Variants in PHKG2 observed in about 807,000 individuals in gnomAD.
PHKG2 encodes the protein phosphorylase kinase catalytic subunit gamma 2, also known as phosphorylase b kinase gamma catalytic chain, liver/testis isoform.
A neutral mutation model predicts 44.5 loss-of-function variants in PHKG2; 28 were observed. The observed-to-expected ratio is 0.63, with a 90% CI of 0.47 to 0.86. PHKG2 has a LOEUF of 0.86. PHKG2 is among the 40% of genes least tolerant of loss of function. The pLI is 0.00. For synonymous variants in PHKG2, 220 were observed against 211.2 expected (o/e 1.04, Z -0.36); for missense variants, 498 against 547.5 (o/e 0.91, Z 0.90).
chr16:30,748,514 C>A, intron 1 of PHKG2, 24 bp downstream of exon 1: 1 of 486,702 alleles, frequency 2.1e-6, no homozygotes. Flanking sequence ...AGACCCCCGT[C>A]CCCTTCCTGC....
intron 4 of PHKG2, 93 bp downstream of exon 4, chr16:30,751,696 T>TGA: frequency 9.6e-7 from 1 of 1,038,598 alleles, no homozygotes; most frequent in South Asian, 1.3e-5. Flanking sequence ...CCCATCCTGC[T>TGA]CACACCTTCC....
In PHKG2 at chr16:30,751,149, G is replaced by A. The variant is rs373915359; in HGVS notation, c.139G>A (p.Gly47Ser). 2.6e-5 allele frequency: 42 copies of A among 1,613,874 alleles called. No individual in the cohort carries two copies. Residue 47 changes from glycine (G) to serine (S), a missense_variant, in exon 3 of 10, where the codon GGC (glycine) becomes AGC (serine). Transcript: ENST00000563588. ...VVRRCVHRAT[G>S]HEFAVKIMEV... The stretch of plus-strand genomic sequence containing the variant: ...CCGCCGTTGTGTTCATCGAGCTACT[G>A]GCCACGAGTTTGCGGTGAAGATTAT...
At chr16:30,749,076 G>GTGGTGC in intron 2 of PHKG2, among the ~76,000 whole-genome samples, 161 bp downstream of exon 2, 1 of 28,562 alleles carries the variant, frequency 3.5e-5, no homozygotes, top group Admixed American at 3.5e-4. Context: ...GGTGGTGGTG[G>GTGGTGC]TGGTGGTGGT....
At position 30,752,494 on chromosome 16, in the gene PHKG2, G is replaced by C. The variant is rs1055754436; in HGVS notation, c.327-738G>C. The C allele has an allele frequency of 7.2e-5, 11 of 152,994 alleles. 1 individual carries two copies. The highest frequency in any genetic ancestry group is 5.9e-4 in the Admixed American group (9 of 15,374). 9.5% of individuals were successfully genotyped at this position (152,994 alleles called of 1,614,324 possible). On this transcript the variant is annotated intron_variant, in intron 4 of 9. Transcript: ENST00000563588. ...TAACACGCTAACTATTCTGGTGTCT[G>C]TCTCTGCCCATCAGTTCTTTTTCTG...
rs1316997024 is a variant in PHKG2 at position 30,751,088 on chromosome 16, A to G, written c.96-18A>G. 4 of 1,612,358 alleles carry G rather than the reference A, an allele frequency of 2.5e-6. No homozygotes were observed. The highest frequency in any genetic ancestry group is 3.4e-6 in the Non-Finnish European group (4 of 1,179,866). On this transcript the variant is annotated intron_variant, in intron 2 of 9. Transcript: ENST00000563588. ...GAGCACAGAGGCCCTGACTTGTGCT[A>G]TTTTCCGGCTCTTGCAGAGGAGTGA...
chr16:30,755,513 A>G (rs949380297), intron 6 of PHKG2, among the ~76,000 whole-genome samples: 3 of 150,702 alleles, frequency 2.0e-5, no homozygotes, highest in Admixed American at 1.3e-4. Flanking sequence ...TGTCTCTACT[A>G]AAGATTCAAA....
rs1369046409 is a variant in PHKG2, at chr16:30,757,167, C to A, written c.*70C>A. On this transcript the variant is annotated 3_prime_UTR_variant, in exon 10 of 10. Coordinates refer to ENST00000563588, the MANE Select transcript of PHKG2 (RefSeq NM_000294.3). ...AAGGGTTTTGATCATTCCAGCTCCT[C>A]TGGGCTCTGGCCTCTGGCCTCAGGC... 3 of 1,461,734 alleles carry A rather than the reference C, an allele frequency of 2.1e-6. No individual in the cohort carries two copies. The highest frequency in any genetic ancestry group is 2.7e-6 in the Non-Finnish European group (3 of 1,111,506). 90.5% of individuals were successfully genotyped at this position (1,461,734 alleles called of 1,614,324 possible). A position where few individuals can be genotyped will look rare whatever the true frequency, so the allele number is the denominator to read the frequency against.
rs954144508 is a variant in PHKG2, at chr16:30,753,822, C to T, written c.556+265C>T. On this transcript the variant is annotated intron_variant, in intron 6 of 9. Coordinates refer to ENST00000563588, the MANE Select transcript of PHKG2 (RefSeq NM_000294.3). The stretch of plus-strand genomic sequence containing the variant: ...GGCCAGGGGAACCCGGAGGAAGGAA[C>T]GCCAATTCAGCCTGAGCCCCATAGA... 7.2e-5 allele frequency among the ~76,000 whole-genome samples: 11 copies of T among 152,114 alleles called. No individual in the cohort carries two copies. The East Asian group carries it at 7.7e-4, about 11-fold the overall frequency.
In PHKG2 at chr16:30,757,477, C is replaced by T. The variant is rs1201321629; in HGVS notation, c.*380C>T. ...CTTTATTGGGGAAAATGTTGGGGGT[C>T]ACTTGGTCTTGCTCTTGCCTTTACC... On this transcript the variant is annotated 3_prime_UTR_variant, in exon 10 of 10. Coordinates refer to ENST00000563588, the MANE Select transcript of PHKG2 (RefSeq NM_000294.3). 6.2e-7 allele frequency: 1 copy of T among 1,612,338 alleles called. No homozygotes were observed. The highest frequency in any genetic ancestry group is 8.5e-7 in the Non-Finnish European group (1 of 1,178,962).
chr16:30,759,338 C>G lies in PHKG2; in HGVS notation c.*2241C>G. ...GTGGCTCCTCATGGTCCACCACCCC[C>G]TACCTGGGGTGTGAAGACGTATTTA... On this transcript the variant is annotated 3_prime_UTR_variant, in exon 10 of 10. Coordinates refer to ENST00000563588, the MANE Select transcript of PHKG2 (RefSeq NM_000294.3). 1 of 1,613,488 alleles carries G rather than the reference C, an allele frequency of 6.2e-7. No homozygotes were observed. Among genetic ancestry groups the G allele is most frequent in the Non-Finnish European group, 8.5e-7 (1 of 1,179,450 alleles).
chr16:30,756,329 C>T (rs373083274), intron 7 of PHKG2, 38 bp from the exon 8 acceptor site: 45 of 1,613,988 alleles, frequency 2.8e-5, no homozygotes, highest in African/African-American at 5.3e-5. Flanking sequence ...TGGGTCTGCC[C>T]GTCACCTAGT....
chr16:30,751,332 T>G, intron 3 of PHKG2, 51 bp downstream of exon 3: 1 of 1,584,822 alleles, frequency 6.3e-7, no homozygotes, highest in Non-Finnish European at 8.6e-7. Flanking sequence ...CACCTCCTGC[T>G]GGCCCTGCCC....
intron 2 of PHKG2, among the ~76,000 whole-genome samples, chr16:30,750,090 C>T (rs2053324856): frequency 1.3e-5 from 2 of 152,028 alleles, no homozygotes; most frequent in Admixed American, 6.6e-5. Context: ...CTCAGATGCC[C>T]TTAGTGGTTG....
chr16:30,749,791 G>T (rs892224061), intron 2 of PHKG2, among the ~76,000 whole-genome samples: 1 of 152,196 alleles, frequency 6.6e-6, no homozygotes, highest in Non-Finnish European at 1.5e-5. Flanking sequence ...CAGAAAAGAT[G>T]CGTATGCCCT....
chr16:30,750,510 A>G (rs2151306602), intron 2 of PHKG2, among the ~76,000 whole-genome samples: 1 of 152,344 alleles, frequency 6.6e-6, no homozygotes, highest in East Asian at 1.9e-4. Flanking sequence ...ATCCTTGTCT[A>G]GGACTTTGTG....
At position 30,751,560 on chromosome 16, in the gene PHKG2, G is replaced by A. The variant is rs1182139735; in HGVS notation, c.283G>A (p.Asp95Asn). ...TCCTCTCTCCCTAGTCACCCTCATC[G>A]ATTCCTACGAGTCTTCTAGCTTCAT... The part of the protein sequence containing the change: ...AGHPHIITLI[D>N]SYESSSFMFL... The change falls in exon 4 of 10, where the codon GAT becomes AAT. Residue 95 changes from aspartate to asparagine, a missense_variant. By Grantham distance (23) the Asp-to-Asn change is conservative (BLOSUM62 1). Transcript: ENST00000563588. The A allele has an allele frequency of 3.1e-6, 5 of 1,613,388 alleles. No homozygotes were observed. The highest frequency in any genetic ancestry group is 1.3e-5 in the African/African-American group (1 of 74,870).
chr16:30,749,846 A>T (rs2053321789), intron 2 of PHKG2, among the ~76,000 whole-genome samples: 1 of 152,198 alleles, frequency 6.6e-6, no homozygotes, highest in South Asian at 2.1e-4. Flanking sequence ...CGTGAACGTT[A>T]AAAAGGCATC....
chr16:30,748,853 G>T lies in PHKG2; in HGVS notation c.33G>T (p.Leu11=). 4 of 1,553,594 alleles carry T rather than the reference G, an allele frequency of 2.6e-6. No homozygotes were observed. The highest frequency in any genetic ancestry group is 3.5e-6 in the Non-Finnish European group (4 of 1,148,068). Residue 11 remains leucine, a synonymous_variant, in exon 2 of 10, where the codon CTG becomes CTT. Coordinates refer to ENST00000563588, the MANE Select transcript of PHKG2 (RefSeq NM_000294.3). MTLDVGPEDE[L]PDWAAAKEFY... ...TGGACGTGGGGCCGGAGGATGAGCT[G>T]CCCGACTGGGCCGCCGCCAAAGAGT...
Position 30,757,916 on chromosome 16 carries a change from G to A in PHKG2, c.*819G>A. 1.1e-6 allele frequency: 1 copy of A among 886,584 alleles called. No individual in the cohort carries two copies. The highest frequency in any genetic ancestry group is 1.5e-6 in the Non-Finnish European group (1 of 649,764). The allele number at this position is 886,584 out of a possible 1,614,324, so 54.9% of individuals were successfully genotyped here. A position where few individuals can be genotyped will look rare whatever the true frequency, so the allele number is the denominator to read the frequency against. ...TAGGCAGGTTATTTAACCTATCTGT[G>A]CCTCAGTTTCCTTGTATGAAATGTG... On this transcript the variant is annotated 3_prime_UTR_variant, in exon 10 of 10. Coordinates refer to ENST00000563588, the MANE Select transcript of PHKG2 (RefSeq NM_000294.3).
Sources: gnomAD v4.1 joint callset for allele counts (sites outside exome capture counted in the v4.1 genomes callset) on GRCh38, gnomAD v4.1.1 for gene constraint, MANE v1.5 for transcripts, NCBI Gene and HGNC (gene_info 2026-07-23, HGNC 2026-07-21) for gene names.